Variants in LRRC28 observed in about 807,000 individuals in gnomAD.
LRRC28 encodes leucine rich repeat containing 28.
LRRC28 carries 39 observed loss-of-function variants against 45.7 expected under a neutral mutation model. The ratio of observed to expected loss-of-function variants is 0.85; its 90% CI spans 0.66 to 1.12. The LOEUF (loss-of-function observed/expected upper bound fraction) is 1.12, where lower values mean the gene tolerates loss of function less well. Among genes scored for constraint, LRRC28 ranks in the 50% most tolerant of loss-of-function variants. The pLI is 0.00. For missense variants in LRRC28, 435 were observed against 438.5 expected (o/e 0.99, Z 0.07); for synonymous variants, 206 against 178.8 (o/e 1.15, Z -1.22).
intron 5 of LRRC28, among the ~76,000 whole-genome samples, chr15:99,292,526 G>A (rs1161892973): frequency 1.3e-5 from 2 of 151,156 alleles, no homozygotes; most frequent in Non-Finnish European, 2.9e-5. Flanking sequence ...CACCGCGCCC[G>A]GCTAATTTTT....
chr15:99,316,326 C>T (rs2152271615), intron 5 of LRRC28, among the ~76,000 whole-genome samples: 1 of 152,294 alleles, frequency 6.6e-6, no homozygotes, highest in Non-Finnish European at 1.5e-5. Flanking sequence ...TTTGTAGACT[C>T]ATTTCAAAAC....
chr15:99,308,202 G>A (rs780626774), intron 5 of LRRC28, among the ~76,000 whole-genome samples: 4 of 152,096 alleles, frequency 2.6e-5, no homozygotes, highest in African/African-American at 4.8e-5. Context: ...AAGAATTCTC[G>A]AGGCTCTGAG....
At chr15:99,372,526 A>G (rs1469773054) in intron 9 of LRRC28, among the ~76,000 whole-genome samples, 1 of 152,156 alleles carries the variant, frequency 6.6e-6, no homozygotes, top group Non-Finnish European at 1.5e-5. Context: ...TGTACTTGTA[A>G]TAACTCAGAT....
At chr15:99,271,976 A>G (rs111373411) in intron 2 of LRRC28, among the ~76,000 whole-genome samples, 4 of 152,146 alleles carry the variant, frequency 2.6e-5, no homozygotes, top group African/African-American at 9.7e-5. Context: ...AAGATTATGG[A>G]GATTTACTCC....
chr15:99,287,111 A>G, intron 3 of LRRC28, 146 bp from the exon 4 acceptor site: 1 of 577,482 alleles, frequency 1.7e-6, no homozygotes. Context: ...TGTGATAACC[A>G]TTATTGTATG....
intron 3 of LRRC28, 84 bp downstream of exon 3, chr15:99,276,700 T>C: frequency 2.7e-6 from 3 of 1,097,868 alleles, no homozygotes; most frequent in Non-Finnish European, 3.8e-6. Context: ...GTCATCTTAA[T>C]GTATTAATTT....
rs188659612 is a variant in LRRC28, at chr15:99,262,583, A to G, written c.168+6458A>G. 5.5e-3 allele frequency among the ~76,000 whole-genome samples: 841 copies of G among 152,278 alleles called. 13 individuals carry two copies. Among genetic ancestry groups the G allele is most frequent in the African/African-American group, 0.02 (813 of 41,568 alleles). On this transcript the variant is annotated intron_variant, in intron 2 of 9. Transcript: ENST00000301981. ...GACAACAGAGTGAGACTCGGTCTCAAAAAAAATTTTTTTAAAGCAATATTT... is the reference window on the plus strand; with the variant it reads ...GACAACAGAGTGAGACTCGGTCTCAGAAAAAATTTTTTTAAAGCAATATTT...
chr15:99,284,786 A>G (rs1040108886), intron 3 of LRRC28: 4 of 534,908 alleles, frequency 7.5e-6, no homozygotes, highest in African/African-American at 5.7e-5. Flanking sequence ...GACTATTGCA[A>G]TTGTCAAAAT....
At chr15:99,338,301 G>A (rs552685914) in intron 6 of LRRC28, 4 of 152,460 alleles carry the variant, frequency 2.6e-5, no homozygotes, top group African/African-American at 7.2e-5. Context: ...TCCATGAACC[G>A]TTTTCTGAAA....
chr15:99,317,356 G>A (rs932025138), intron 5 of LRRC28: 3 of 152,176 alleles, frequency 2.0e-5, no homozygotes, highest in African/African-American at 7.2e-5. Flanking sequence ...ATGGGAACCT[G>A]CTGGTGAATC....
chr15:99,268,688 A>G (rs908159434), intron 2 of LRRC28, among the ~76,000 whole-genome samples: 1 of 152,186 alleles, frequency 6.6e-6, no homozygotes, highest in African/African-American at 2.4e-5. Flanking sequence ...CCAAACAGTT[A>G]TGTCATAAAC....
chr15:99,381,360 C>T (rs531262606), intron 9 of LRRC28, among the ~76,000 whole-genome samples: 15 of 152,286 alleles, frequency 9.8e-5, no homozygotes, highest in East Asian at 3.9e-4. Flanking sequence ...ATGTAGTTCT[C>T]GCGCCATGTT....
intron 6 of LRRC28, 143 bp downstream of exon 6, chr15:99,334,272 G>C: frequency 1.2e-6 from 1 of 845,454 alleles, no homozygotes. Context: ...AGTGAACAAA[G>C]CGTCATTCCT....
chr15:99,262,246 A>T (rs1246705713), intron 2 of LRRC28, among the ~76,000 whole-genome samples: 1 of 152,160 alleles, frequency 6.6e-6, no homozygotes, highest in East Asian at 1.9e-4. Context: ...TAGCCTAAAA[A>T]GTAGGATTGC....
intron 5 of LRRC28, among the ~76,000 whole-genome samples, chr15:99,294,276 C>A (rs1028169961): frequency 2.0e-5 from 3 of 152,004 alleles, no homozygotes; most frequent in Non-Finnish European, 4.4e-5. Flanking sequence ...CTTTCTGGAA[C>A]TCTGGTTACG....
At chr15:99,265,852 A>G (rs566597613) in intron 2 of LRRC28, among the ~76,000 whole-genome samples, 1 of 152,322 alleles carries the variant, frequency 6.6e-6, no homozygotes, top group East Asian at 1.9e-4. Flanking sequence ...TAAAATCTCA[A>G]CCTGGAAGCA....
intron 6 of LRRC28, among the ~76,000 whole-genome samples, chr15:99,349,209 A>G (rs1391494538): frequency 3.3e-5 from 5 of 152,042 alleles, no homozygotes; most frequent in African/African-American, 4.8e-5. Flanking sequence ...TATTTTTTAC[A>G]TATTTTCAGC....
Position 99,323,670 on chromosome 15 carries a change from T to C in LRRC28, c.386-10253T>C, listed in dbSNP as rs183952724. On this transcript the variant is annotated intron_variant, in intron 5 of 9. Coordinates refer to ENST00000301981, the MANE Select transcript of LRRC28 (RefSeq NM_144598.5). The stretch of plus-strand genomic sequence containing the variant: ...TTTGTGTTTGCAGTTATTTTGATAA[T>C]AAAAAACTTCATCAATTACAGAAGT... 1.8e-3 allele frequency among the ~76,000 whole-genome samples: 280 copies of C among 152,334 alleles called. 4 individuals carry two copies. Among genetic ancestry groups the C allele is most frequent in the East Asian group, 5.8e-4 (3 of 5,194 alleles).
chr15:99,294,757 A>G (rs2082219197), intron 5 of LRRC28, among the ~76,000 whole-genome samples: 1 of 152,232 alleles, frequency 6.6e-6, no homozygotes, highest in African/African-American at 2.4e-5. Flanking sequence ...ATTGGTGACT[A>G]GGTTTCAACA....
Sources: gnomAD v4.1 joint callset for allele counts (sites outside exome capture counted in the v4.1 genomes callset) on GRCh38, gnomAD v4.1.1 for gene constraint, MANE v1.5 for transcripts, NCBI Gene and HGNC (gene_info 2026-07-23, HGNC 2026-07-21) for gene names.